Variants in VPS13B observed in about 807,000 individuals in gnomAD.
VPS13B encodes the protein intermembrane lipid transfer protein VPS13B.
VPS13B carries 285 observed loss-of-function variants against 426.4 expected under a neutral mutation model. The ratio of observed to expected loss-of-function variants is 0.67; its 90% CI spans 0.61 to 0.74. VPS13B has a LOEUF of 0.74. VPS13B is among the 30% of genes least tolerant of loss of function. The probability of loss-of-function intolerance (pLI) is 0.00; values close to 1 mark genes in which losing one functional copy is unlikely to be tolerated. For missense variants in VPS13B, 4,537 were observed against 4,782.6 expected, an observed-to-expected ratio of 0.95 and a Z score of 1.51; for synonymous variants, 1,676 against 1,676.4, an observed-to-expected ratio of 1.00 and a Z score of 0.01.
At chr8:99,739,597 A>AAGTGGGG (rs1809578398) in intron 39 of VPS13B, among the ~76,000 whole-genome samples, 1 of 152,174 alleles carries the variant, frequency 6.6e-6, no homozygotes, top group African/African-American at 2.4e-5. Flanking sequence ...GACACCTCAC[A>AAGTGGGG]CGGCCAGGTA....
At chr8:99,707,324 A>G (rs549079433) in intron 36 of VPS13B, among the ~76,000 whole-genome samples, 4 of 152,244 alleles carry the variant, frequency 2.6e-5, no homozygotes, top group Middle Eastern at 6.8e-3. Flanking sequence ...TGAGAGGATT[A>G]GGTGACATAA....
chr8:99,437,943 C>T (rs1467131868), intron 22 of VPS13B, among the ~76,000 whole-genome samples: 1 of 151,624 alleles, frequency 6.6e-6, no homozygotes, highest in Admixed American at 6.6e-5. Context: ...GAACATTTCT[C>T]TGCTTATTGC....
At chr8:99,315,978 T>G (rs1213982813) in intron 19 of VPS13B, among the ~76,000 whole-genome samples, 5 of 152,236 alleles carry the variant, frequency 3.3e-5, no homozygotes, top group African/African-American at 1.2e-4. Flanking sequence ...GGCTTTTACC[T>G]GAAGATGTAT....
intron 25 of VPS13B, among the ~76,000 whole-genome samples, chr8:99,501,131 G>T (rs1821212519): frequency 6.6e-6 from 1 of 152,028 alleles, no homozygotes. Flanking sequence ...ATATTTTGCT[G>T]TTTCTTAAAC....
At chr8:99,752,420 T>G (rs1339713907) in intron 39 of VPS13B, among the ~76,000 whole-genome samples, 1 of 152,150 alleles carries the variant, frequency 6.6e-6, no homozygotes, top group East Asian at 1.9e-4. Flanking sequence ...AAATAAAATT[T>G]TATTGGAACA....
intron 8 of VPS13B, among the ~76,000 whole-genome samples, chr8:99,122,316 AT>A (rs1009297942): frequency 7.2e-5 from 11 of 151,892 alleles, no homozygotes; most frequent in Admixed American, 7.2e-4. Flanking sequence ...AACATAATGC[AT>A]GTAAAATACC....
At chr8:99,357,229 T>C (rs992752851) in intron 19 of VPS13B, among the ~76,000 whole-genome samples, 1 of 152,200 alleles carries the variant, frequency 6.6e-6, no homozygotes, top group Non-Finnish European at 1.5e-5. Context: ...TCCAGAAAGA[T>C]TCAGTTCATC....
chr8:99,050,532 T>G (rs1587964576), intron 3 of VPS13B, among the ~76,000 whole-genome samples: 1 of 152,238 alleles, frequency 6.6e-6, no homozygotes, highest in South Asian at 2.1e-4. Flanking sequence ...TGATTTATAA[T>G]ACTTTGGGCA....
At chr8:99,327,553 G>T (rs1224454759) in intron 19 of VPS13B, among the ~76,000 whole-genome samples, 1 of 151,644 alleles carries the variant, frequency 6.6e-6, no homozygotes, top group Non-Finnish European at 1.5e-5. Context: ...GAGCACATGG[G>T]GTTAATTAAA....
At chr8:99,686,572 A>G (rs759706821) in intron 35 of VPS13B, among the ~76,000 whole-genome samples, 6 of 151,938 alleles carry the variant, frequency 3.9e-5, no homozygotes, top group Non-Finnish European at 7.4e-5. Context: ...ACACACAAGA[A>G]AAAGTCCTTC....
intron 24 of VPS13B, among the ~76,000 whole-genome samples, chr8:99,480,136 A>G (rs747993900): frequency 5.3e-5 from 8 of 152,212 alleles, no homozygotes; most frequent in Non-Finnish European, 1.2e-4. Flanking sequence ...TTTTAGCACA[A>G]CTTGAAGGAT....
chr8:99,290,395 T>A lies in VPS13B; in HGVS notation c.2824+15141T>A, dbSNP rs959654394. Among the ~76,000 whole-genome samples, 4 of 151,928 alleles carry A rather than the reference T, an allele frequency of 2.6e-5. No individual in the cohort carries two copies. The East Asian group carries it at 5.8e-4, about 22-fold the overall frequency. ...CTGGAAACCATCATTCTCAGCAAAC[T>A]AACGCAAGAACAAAAAACCAAACAC... On this transcript the variant is annotated intron_variant, in intron 19 of 61. Transcript: ENST00000357162.
intron 36 of VPS13B, among the ~76,000 whole-genome samples, chr8:99,714,101 T>G (rs1832816240): frequency 7.0e-6 from 1 of 142,078 alleles, no homozygotes; most frequent in Non-Finnish European, 1.5e-5. Flanking sequence ...ATCATGCCAC[T>G]GCACTCCAGC....
At chr8:99,148,387 AAAAG>A (rs753384232) in intron 14 of VPS13B, among the ~76,000 whole-genome samples, 11,187 of 151,626 alleles carry the variant, frequency 0.074, 646 homozygotes, top group African/African-American at 0.16. Flanking sequence ...AGAAAAAGAT[AAAAG>A]TATCTGCTTA....
chr8:99,786,442 C>A (rs773211797), intron 43 of VPS13B, among the ~76,000 whole-genome samples: 5 of 152,034 alleles, frequency 3.3e-5, no homozygotes, highest in Non-Finnish European at 7.4e-5. Flanking sequence ...TAGGTTTTGG[C>A]AGCATGATTT....
intron 36 of VPS13B, among the ~76,000 whole-genome samples, chr8:99,702,463 C>T (rs1481473679): frequency 6.6e-6 from 1 of 152,024 alleles, no homozygotes; most frequent in Non-Finnish European, 1.5e-5. Flanking sequence ...AGGAGCATTG[C>T]CTTGGTACAG....
At chr8:99,446,015 C>G (rs1302080629) in intron 23 of VPS13B, among the ~76,000 whole-genome samples, 1 of 152,170 alleles carries the variant, frequency 6.6e-6, no homozygotes, top group African/African-American at 2.4e-5. Flanking sequence ...ATTGGTATGA[C>G]TGTGTTCCAA....
At chr8:99,494,140 T>C (rs1484686817) in intron 25 of VPS13B, among the ~76,000 whole-genome samples, 1 of 152,182 alleles carries the variant, frequency 6.6e-6, no homozygotes. Context: ...AATTTTTTTG[T>C]TGTGGTACAA....
At chr8:99,272,061 A>G (rs970014265) in intron 17 of VPS13B, among the ~76,000 whole-genome samples, 1 of 152,206 alleles carries the variant, frequency 6.6e-6, no homozygotes, top group Non-Finnish European at 1.5e-5. Context: ...TTTCTTTGAG[A>G]GATTATGAGT....
Sources: allele counts gnomAD v4.1 joint callset (sites outside exome capture counted in the v4.1 genomes callset), GRCh38; gene constraint gnomAD v4.1.1; transcripts MANE v1.5; gene names NCBI Gene and HGNC (gene_info 2026-07-23, HGNC 2026-07-21).